The following ADAMTS18 variants were observed in gnomAD, a reference collection of about 807,000 sequenced individuals.
The protein encoded by ADAMTS18 is ADAM metallopeptidase with thrombospondin type 1 motif 18.
Under a neutral mutation model 165.9 loss-of-function variants are expected in ADAMTS18, and 157 were observed. The ratio of observed to expected loss-of-function variants is 0.95; its 90% CI spans 0.83 to 1.08. The LOEUF (loss-of-function observed/expected upper bound fraction) is 1.08, where lower values mean the gene tolerates loss of function less well. Ranked by LOEUF, ADAMTS18 falls within the 50% of genes least tolerant of loss-of-function variation. ADAMTS18 has a pLI of 0.00. For synonymous variants in ADAMTS18, 782 were observed against 578.2 expected (o/e 1.35, Z -5.06); for missense variants, 2,040 against 1,534.0 (o/e 1.33, Z -5.51).
At chr16:77,311,495 GA>G (rs2055779639) in intron 16 of ADAMTS18, among the ~76,000 whole-genome samples, 1 of 152,044 alleles carries the variant, frequency 6.6e-6, no homozygotes, top group South Asian at 2.1e-4. Context: ...CCACTTTTGG[GA>G]AAATATAATT....
chr16:77,398,109 G>C (rs940914062), intron 3 of ADAMTS18, among the ~76,000 whole-genome samples: 1 of 152,126 alleles, frequency 6.6e-6, no homozygotes, highest in Non-Finnish European at 1.5e-5. Context: ...CTGAGGTTAG[G>C]AGTTCAAGAC....
At position 77,367,479 on chromosome 16, in the gene ADAMTS18, CT is replaced by C; in HGVS notation, c.739del (p.Arg247GlyfsTer25). On this transcript the variant is annotated frameshift_variant, in exon 4 of 23. Coordinates refer to ENST00000282849, the MANE Select transcript of ADAMTS18 (RefSeq NM_199355.4). LOFTEE classifies it high-confidence loss of function. ...TCCACAAAAATGCTGCTTTTGCAAC[CT>C]TCGATGGTGATACTCTGTCTCTCGA... Reference protein sequence around the residue: ...QSRETEYHHRRLQKQHFCGRR... With the variant: ...QSRETEYHHRXLQKQHFCGRR... 2 of 1,614,222 alleles carry C rather than the reference CT, an allele frequency of 1.2e-6. No homozygotes were observed. Among genetic ancestry groups the C allele is most frequent in the Non-Finnish European group, 1.7e-6 (2 of 1,180,042 alleles).
At chr16:77,328,189 A>T (rs1031064899) in intron 12 of ADAMTS18, among the ~76,000 whole-genome samples, 2 of 152,112 alleles carry the variant, frequency 1.3e-5, no homozygotes, top group East Asian at 1.9e-4. Flanking sequence ...AAGCAAAATA[A>T]AGGAAAAAGA....
chr16:77,432,387 C>G (rs1207406215), intron 2 of ADAMTS18: 1 of 152,192 alleles, frequency 6.6e-6, no homozygotes, highest in Admixed American at 6.5e-5. Flanking sequence ...GATCAGGGGA[C>G]ACCTGGAAAG....
chr16:77,388,343 G>A (rs866173472), intron 3 of ADAMTS18, among the ~76,000 whole-genome samples: 2 of 152,124 alleles, frequency 1.3e-5, no homozygotes, highest in Admixed American at 6.5e-5. Context: ...CAAGTGATCC[G>A]CCTGCCTCAG....
chr16:77,380,594 T>A (rs1426101774), intron 3 of ADAMTS18, among the ~76,000 whole-genome samples: 1 of 152,240 alleles, frequency 6.6e-6, no homozygotes, highest in Non-Finnish European at 1.5e-5. Flanking sequence ...ACTGCATACA[T>A]TTTAATATTA....
In ADAMTS18 at chr16:77,355,978, C is replaced by G. The variant is rs767491718; in HGVS notation, c.1422G>C (p.Trp474Cys). ...TLTGNNGVFSWSSCSRQYLKK... is the reference protein window; with the variant it reads ...TLTGNNGVFSCSSCSRQYLKK... ...TGAGATACTGGCGGCTGCAGGAAGA[C>G]CATGAAAACACTCCATTGTTTCCGG... Residue 474 changes from tryptophan (W) to cysteine (C), a missense_variant, in exon 9 of 23, where the codon TGG (tryptophan) becomes TGC (cysteine). Coordinates refer to ENST00000282849, the MANE Select transcript of ADAMTS18 (RefSeq NM_199355.4). The G allele has an allele frequency of 6.2e-7, 1 of 1,614,046 alleles. No homozygotes were observed. Among genetic ancestry groups the G allele is most frequent in the South Asian group, 1.1e-5 (1 of 91,074 alleles).
intron 16 of ADAMTS18, among the ~76,000 whole-genome samples, chr16:77,313,537 T>C (rs1394457340): frequency 6.6e-6 from 1 of 150,438 alleles, no homozygotes; most frequent in Non-Finnish European, 1.5e-5. Context: ...ACTGCTGGAA[T>C]GGTTCTGTGT....
intron 3 of ADAMTS18, among the ~76,000 whole-genome samples, chr16:77,419,080 C>T (rs867464522): frequency 3.3e-5 from 5 of 152,096 alleles, no homozygotes; most frequent in African/African-American, 4.8e-5. Context: ...ATCCAGGAGG[C>T]GGAGACTGCA....
intron 3 of ADAMTS18, among the ~76,000 whole-genome samples, chr16:77,424,595 T>G (rs1446935946): frequency 6.6e-6 from 1 of 152,198 alleles, no homozygotes; most frequent in Non-Finnish European, 1.5e-5. Context: ...TTGGCTCTTC[T>G]TTTTAAAAAG....
At chr16:77,284,153 C>G in intron 22 of ADAMTS18, 82 bp from the exon 23 acceptor site, 2 of 882,438 alleles carry the variant, frequency 2.3e-6, no homozygotes, top group East Asian at 2.7e-5. Flanking sequence ...TGGAGTCTCA[C>G]TCTGTTACCT....
At position 77,354,594 on chromosome 16, in the gene ADAMTS18, A is replaced by C. The variant is rs185760155; in HGVS notation, c.1461-708T>G. On this transcript the variant is annotated intron_variant, in intron 9 of 22. Transcript: ENST00000282849. ...GTTAATTATCATGGTGGTTAAGTGTAATTTTGTAGTGAGACAGATGGGGGT... is the reference window on the plus strand; with the variant it reads ...GTTAATTATCATGGTGGTTAAGTGTCATTTTGTAGTGAGACAGATGGGGGT... Among the ~76,000 whole-genome samples the C allele has an allele frequency of 7.9e-4, 120 of 152,116 alleles. 1 individual carries two copies. The highest frequency in any genetic ancestry group is 2.6e-3 in the African/African-American group (108 of 41,510).
At chr16:77,341,193 C>G (rs1230493630) in intron 11 of ADAMTS18, among the ~76,000 whole-genome samples, 4 of 152,122 alleles carry the variant, frequency 2.6e-5, no homozygotes, top group Admixed American at 2.6e-4. Flanking sequence ...TGCTCACCAG[C>G]AAAAGGACCT....
At chr16:77,382,335 T>C (rs552940743) in intron 3 of ADAMTS18, among the ~76,000 whole-genome samples, 2 of 151,360 alleles carry the variant, frequency 1.3e-5, no homozygotes, top group African/African-American at 4.8e-5. Context: ...CTCAGCCTCC[T>C]GAGTAGCTGG....
chr16:77,325,044 C>T (rs971134863), intron 13 of ADAMTS18, among the ~76,000 whole-genome samples: 1 of 152,206 alleles, frequency 6.6e-6, no homozygotes, highest in Non-Finnish European at 1.5e-5. Flanking sequence ...ATTATATTAG[C>T]TTCCTTTATG....
rs559282594 is a variant in ADAMTS18 at position 77,339,620 on chromosome 16, A to G, written c.1710+2084T>C. 5.3e-5 allele frequency among the ~76,000 whole-genome samples: 8 copies of G among 151,506 alleles called. No homozygotes were observed. In the South Asian group the frequency reaches 1.7e-3, roughly 32 times the overall value. On this transcript the variant is annotated intron_variant, in intron 11 of 22. Coordinates refer to ENST00000282849, the MANE Select transcript of ADAMTS18 (RefSeq NM_199355.4). ...AATTAAAAAAAAAAACAAAACACTA[A>G]TCCTCAAGTCACAAGTTCTAAGTTG...
intron 3 of ADAMTS18, among the ~76,000 whole-genome samples, chr16:77,409,085 T>C (rs1004632085): frequency 2.8e-4 from 42 of 152,248 alleles, no homozygotes; most frequent in African/African-American, 8.9e-4. Context: ...AAAAACAGTT[T>C]AATATTGGGT....
At chr16:77,413,052 A>T (rs2057485520) in intron 3 of ADAMTS18, among the ~76,000 whole-genome samples, 1 of 152,122 alleles carries the variant, frequency 6.6e-6, no homozygotes, top group Admixed American at 6.5e-5. Flanking sequence ...TATGTATAAA[A>T]AAAAACTTGT....
chr16:77,356,429 A>G (rs80216458), intron 8 of ADAMTS18, among the ~76,000 whole-genome samples: 3 of 152,044 alleles, frequency 2.0e-5, no homozygotes, highest in Non-Finnish European at 4.4e-5. Context: ...TAGAATTCTT[A>G]TCTTGTCACC....
Sources: gnomAD v4.1 joint callset for allele counts (sites outside exome capture counted in the v4.1 genomes callset) on GRCh38, gnomAD v4.1.1 for gene constraint, MANE v1.5 for transcripts, NCBI Gene and HGNC (gene_info 2026-07-23, HGNC 2026-07-21) for gene names.